The following ST3GAL4 variants were observed in gnomAD, a reference collection of about 807,000 sequenced individuals.
ST3GAL4 encodes ST3 beta-galactoside alpha-2,3-sialyltransferase 4, also known as CMP-N-acetylneuraminate-beta-galactosamide-alpha-2,3-sialyltransferase 4.
In ST3GAL4, 24 loss-of-function variants were observed where a neutral mutation model predicts 42.6. The ratio of observed to expected loss-of-function variants is 0.56; its 90% CI spans 0.41 to 0.79. The LOEUF (loss-of-function observed/expected upper bound fraction) is 0.79, where lower values mean the gene tolerates loss of function less well. Among genes scored for constraint, ST3GAL4 ranks in the 30% least tolerant of loss-of-function variants. The pLI, the probability that ST3GAL4 is intolerant of heterozygous loss-of-function variation, is 0.00. For synonymous variants in ST3GAL4, 135 were observed against 163.2 expected (o/e 0.83, Z 1.32); for missense variants, 311 against 430.8 (o/e 0.72, Z 2.46).
Position 126,383,067 on chromosome 11 carries a change from G to A in ST3GAL4, c.-60-23029G>A, listed in dbSNP as rs633205. On this transcript the variant is annotated intron_variant, in intron 1 of 10. Transcript: ENST00000444328. The surrounding 1 kb of genome is among the most constrained non-coding windows in gnomAD (Gnocchi z 4.5). The stretch of plus-strand genomic sequence containing the variant: ...TGTGTTGTGTGGGTGCCAGGCCAGG[G>A]AGTGCCCTCCATGGGGCAGCAGGCT... Among the ~76,000 whole-genome samples, 530 of 152,304 alleles carry A rather than the reference G, an allele frequency of 3.5e-3. 3 individuals carry two copies. The highest frequency in any genetic ancestry group is 1.0e-2 in the African/African-American group (414 of 41,562).
intron 9 of ST3GAL4, 83 bp from the exon 10 acceptor site, chr11:126,413,422 G>A: frequency 6.5e-7 from 1 of 1,535,636 alleles, no homozygotes; most frequent in Middle Eastern, 2.3e-4. Context: ...GTGACTGCAG[G>A]AAGTTCCACT....
At position 126,413,528 on chromosome 11, in the gene ST3GAL4, C is replaced by T. The variant is rs1954620911; in HGVS notation, c.795C>T (p.Ala265=). ...IKQKPTTGLL[A]ITLALHLCDL... The stretch of plus-strand genomic sequence containing the variant: ...AGAAGCCCACCACGGGCCTGTTGGC[C>T]ATCACGCTGGCCCTCCACCTCTGTG... Residue 265 remains alanine (A), a synonymous_variant, in exon 10 of 11, where the codon GCC becomes GCT. Coordinates refer to ENST00000444328, the MANE Select transcript of ST3GAL4 (RefSeq NM_001254757.2). The T allele has an allele frequency of 4.3e-6, 7 of 1,614,102 alleles. No homozygotes were observed. The South Asian group carries it at 6.6e-5, about 15-fold the overall frequency.
chr11:126,402,467 A>AAAG (rs1228816511), intron 1 of ST3GAL4, among the ~76,000 whole-genome samples: 80 of 151,530 alleles, frequency 5.3e-4, no homozygotes, highest in Admixed American at 9.8e-4. Context: ...AAAAAAAAAA[A>AAAG]AAGAAGAAGA....
In ST3GAL4 at chr11:126,359,754, TCCCTCCTTCCCCGTGGG is replaced by T. The variant is rs1490443430; in HGVS notation, c.-61+3919_-61+3935del. 6.6e-6 allele frequency among the ~76,000 whole-genome samples: 1 copy of T among 151,950 alleles called. No homozygotes were observed. Among genetic ancestry groups the T allele is most frequent in the African/African-American group, 2.4e-5 (1 of 41,356 alleles). On this transcript the variant is annotated intron_variant, in intron 1 of 10. Coordinates refer to ENST00000444328, the MANE Select transcript of ST3GAL4 (RefSeq NM_001254757.2). This position sits in a 1 kb window ranked among gnomAD's most constrained non-coding sequence, Gnocchi z 4.8. ...CTCCCTCCTTCCCTCCTTCCCTCCTTCCCTCCTTCCCCGTGGGCCCTCCCAGCCTCCCCAGCCCCCAC... is the reference window on the plus strand; with the variant it reads ...CTCCCTCCTTCCCTCCTTCCCTCCTTCCCTCCCAGCCTCCCCAGCCCCCAC...
At chr11:126,390,323 G>GTTTTTTTTT (rs142562472) in intron 1 of ST3GAL4, among the ~76,000 whole-genome samples, 15 of 148,820 alleles carry the variant, frequency 1.0e-4, no homozygotes, top group Admixed American at 6.7e-5. Flanking sequence ...AGTGTTTCCA[G>GTTTTTTTTT]TTTGTTTGTT....
At chr11:126,361,588 C>T (rs1033731149) in intron 1 of ST3GAL4, among the ~76,000 whole-genome samples, 10 of 152,080 alleles carry the variant, frequency 6.6e-5, no homozygotes, top group South Asian at 2.1e-4. Context: ...CACCCAGCAC[C>T]GGCACTTCCT....
chr11:126,377,418 G>A (rs1028115378), intron 1 of ST3GAL4, among the ~76,000 whole-genome samples: 1 of 149,936 alleles, frequency 6.7e-6, no homozygotes, highest in Admixed American at 6.6e-5. Context: ...TGATCCACCT[G>A]CCTCAGCCTC....
intron 1 of ST3GAL4, among the ~76,000 whole-genome samples, chr11:126,388,833 A>G (rs1168597036): frequency 7.3e-6 from 1 of 137,602 alleles, no homozygotes; most frequent in East Asian, 2.2e-4. Context: ...GTGCAGTGCA[A>G]TGACACGATC....
chr11:126,402,911 G>GC (rs1199009268), intron 1 of ST3GAL4, among the ~76,000 whole-genome samples: 1 of 152,224 alleles, frequency 6.6e-6, no homozygotes, highest in African/African-American at 2.4e-5. Flanking sequence ...CCTTTGCCCA[G>GC]CAGGTCGGGT....
At chr11:126,395,932 A>G (rs138206349) in intron 1 of ST3GAL4, among the ~76,000 whole-genome samples, 2,102 of 152,296 alleles carry the variant, frequency 0.014, 25 homozygotes, top group East Asian at 0.029. Context: ...AGTAGAGCAC[A>G]TGTGTCTCTG....
chr11:126,360,637 T>C (rs1952214038), intron 1 of ST3GAL4, among the ~76,000 whole-genome samples: 1 of 152,202 alleles, frequency 6.6e-6, no homozygotes. Flanking sequence ...TTGGCCAGGC[T>C]GGTCTCGAAC....
At chr11:126,412,377 A>G (rs994389681) in intron 9 of ST3GAL4, among the ~76,000 whole-genome samples, 4 of 152,194 alleles carry the variant, frequency 2.6e-5, no homozygotes, top group African/African-American at 9.6e-5. Flanking sequence ...AAGGCTCCCA[A>G]ATGGGTATGG....
intron 9 of ST3GAL4, among the ~76,000 whole-genome samples, chr11:126,412,145 AG>A (rs1434885514): frequency 6.6e-6 from 1 of 152,048 alleles, no homozygotes; most frequent in African/African-American, 2.4e-5. Flanking sequence ...AGAGAGTGCA[AG>A]GAAGAGGAGG....
Position 126,395,227 on chromosome 11 carries a change from T to C in ST3GAL4, c.-60-10869T>C, listed in dbSNP as rs574779233. On this transcript the variant is annotated intron_variant, in intron 1 of 10. Transcript: ENST00000444328. ...CATTTATTAATTCAACACGTTTGTA[T>C]TGAGAGCCTGCTGGGTGCCGGGCAC... is the stretch of plus-strand genomic sequence containing the variant. Among the ~76,000 whole-genome samples, 8 of 152,244 alleles carry C rather than the reference T, an allele frequency of 5.3e-5. No individual in the cohort carries two copies. In the East Asian group the frequency reaches 9.7e-4, roughly 18 times the overall value.
intron 1 of ST3GAL4, among the ~76,000 whole-genome samples, chr11:126,369,732 A>T (rs901702630): frequency 1.3e-5 from 2 of 152,170 alleles, no homozygotes; most frequent in African/African-American, 4.8e-5. Flanking sequence ...TTCAAAATGT[A>T]TCACACTCAT....
Position 126,384,629 on chromosome 11 carries a change from C to A in ST3GAL4, c.-60-21467C>A, listed in dbSNP as rs1186416967. On this transcript the variant is annotated intron_variant, in intron 1 of 10. Coordinates refer to ENST00000444328, the MANE Select transcript of ST3GAL4 (RefSeq NM_001254757.2). This position sits in a 1 kb window ranked among gnomAD's most constrained non-coding sequence, Gnocchi z 5.5. ...GGCGGAACTGGTCAGGGCCTGGCACCAACTCCAGGATGTGCTACACCCAGA... is the reference window on the plus strand; with the variant it reads ...GGCGGAACTGGTCAGGGCCTGGCACAAACTCCAGGATGTGCTACACCCAGA... 1.0e-6 allele frequency: 1 copy of A among 970,278 alleles called. No homozygotes were observed. The highest frequency in any genetic ancestry group is 1.8e-5 in the African/African-American group (1 of 56,914). 60.1% of individuals were successfully genotyped at this position (970,278 alleles called of 1,614,324 possible).
chr11:126,410,079 A>AT lies in ST3GAL4; in HGVS notation c.771+675dup, dbSNP rs949561925. ...ACCATCACGCCTGGCTAATTTTTAA[A>AT]TTTTTTTGTAGAGATGGGGGTCTCA... On this transcript the variant is annotated intron_variant, in intron 9 of 10. Transcript: ENST00000444328. This position sits in a 1 kb window ranked among gnomAD's most constrained non-coding sequence, Gnocchi z 5.3. Among the ~76,000 whole-genome samples the AT allele has an allele frequency of 5.9e-5, 9 of 152,008 alleles. No homozygotes were observed. Among genetic ancestry groups the AT allele is most frequent in the Non-Finnish European group, 1.0e-4 (7 of 67,994 alleles).
intron 1 of ST3GAL4, among the ~76,000 whole-genome samples, chr11:126,387,851 T>C (rs1408317589): frequency 6.6e-6 from 1 of 152,224 alleles, no homozygotes; most frequent in Non-Finnish European, 1.5e-5. Flanking sequence ...CATGTAACTG[T>C]TTTGTGAAAG....
rs1319573195 is a variant in ST3GAL4, at chr11:126,413,626, A to T, written c.893A>T (p.Gln298Leu). 1 of 1,614,170 alleles carries T rather than the reference A, an allele frequency of 6.2e-7. No homozygotes were observed. Among genetic ancestry groups the T allele is most frequent in the Admixed American group, 1.7e-5 (1 of 60,030 alleles). The change falls in exon 10 of 11, where the codon CAG becomes CTG. Residue 298 changes from glutamine to leucine, a missense_variant. By Grantham distance (113) the Gln-to-Leu change is moderately radical. Transcript: ENST00000444328. ...NKKQTIHYYE[Q>L]ITLKSMAGSG... The stretch of plus-strand genomic sequence containing the variant: ...AAGCAGACCATTCACTACTATGAGC[A>T]GATCACGCTCAAGTCCATGGCGGTA...
Sources: gnomAD v4.1 joint callset for allele counts (sites outside exome capture counted in the v4.1 genomes callset) on GRCh38, gnomAD v4.1.1 for gene constraint, Gnocchi (gnomAD v3.1) non-coding constraint, MANE v1.5 for transcripts, NCBI Gene and HGNC (gene_info 2026-07-23, HGNC 2026-07-21) for gene names.